Variants in PLCG1 observed in about 807,000 individuals in gnomAD.
PLCG1 encodes 1-phosphatidylinositol 4,5-bisphosphate phosphodiesterase gamma-1.
In PLCG1, 71 loss-of-function variants were observed where a neutral mutation model predicts 177.8. The observed-to-expected ratio is 0.40, with a 90% CI of 0.33 to 0.49. PLCG1 has a LOEUF of 0.49. Ranked by LOEUF, PLCG1 falls within the 20% of genes least tolerant of loss-of-function variation. PLCG1 has a pLI of 0.72. For missense variants in PLCG1, 1,281 were observed against 1,709.0 expected, an observed-to-expected ratio of 0.75 and a Z score of 4.42; for synonymous variants, 658 against 647.9, an observed-to-expected ratio of 1.02 and a Z score of -0.24.
At position 41,172,725 on chromosome 20, in the gene PLCG1, C is replaced by G. The variant is rs1194158966; in HGVS notation, c.3131-4C>G. On this transcript the variant is annotated splice_region_variant and splice_polypyrimidine_tract_variant and intron_variant, in intron 26 of 31. Coordinates refer to ENST00000685551, the MANE Select transcript of PLCG1 (RefSeq NM_002660.3). This position sits in a 1 kb window ranked among gnomAD's most constrained non-coding sequence, Gnocchi z 7.0. ...TGGAATACACCATAATCTGCCTCTT[C>G]CAGACAAGCCTATGCAGATGAACCA... The G allele has an allele frequency of 6.2e-7, 1 of 1,613,734 alleles. No individual in the cohort carries two copies. The highest frequency in any genetic ancestry group is 8.5e-7 in the Non-Finnish European group (1 of 1,179,742).
At position 41,165,997 on chromosome 20, in the gene PLCG1, C is replaced by T. The variant is rs1482710244; in HGVS notation, c.1799+171C>T. The T allele has an allele frequency of 2.9e-6, 2 of 685,098 alleles. No individual in the cohort carries two copies. Among genetic ancestry groups the T allele is most frequent in the African/African-American group, 1.8e-5 (1 of 55,134 alleles). The allele number at this position is 685,098 out of a possible 1,614,324, so 42.4% of individuals were successfully genotyped here. ...ACACACACTCTCTGTCTCACCCCCC[C>T]CCCATACCCCTCCCTTTTCGGTTCA... On this transcript the variant is annotated intron_variant, in intron 16 of 31. Coordinates refer to ENST00000685551, the MANE Select transcript of PLCG1 (RefSeq NM_002660.3). The surrounding 1 kb of genome is among the most constrained non-coding windows in gnomAD (Gnocchi z 6.6).
rs374855920 is a variant in PLCG1, at chr20:41,166,468, G to T, written c.2001-8G>T. ...GTGCTGGCCGGGCCTGACTCTGCCT[G>T]TTCTCAGGTGGTACCACGCGAGCCT... On this transcript the variant is annotated splice_region_variant and splice_polypyrimidine_tract_variant and intron_variant, in intron 17 of 31. Transcript: ENST00000685551. The surrounding 1 kb of genome is among the most constrained non-coding windows in gnomAD (Gnocchi z 8.6). 2.3e-5 allele frequency: 37 copies of T among 1,613,916 alleles called. 1 individual carries two copies. In the African/African-American group the frequency reaches 4.8e-4, roughly 21 times the overall value.
In PLCG1 at chr20:41,172,243, C is replaced by G. The variant is rs1340855444; in HGVS notation, c.2859C>G (p.Leu953=). The G allele has an allele frequency of 6.2e-7, 1 of 1,614,160 alleles. No individual in the cohort carries two copies. The highest frequency in any genetic ancestry group is 2.2e-5 in the East Asian group (1 of 44,878). Reference sequence around the variant, plus strand: ...GGAGGAAGAAGATTGCCCTGGAGCTCTCTGAACTTGTCGTCTACTGCCGGC... The same window carrying G: ...GGAGGAAGAAGATTGCCCTGGAGCTGTCTGAACTTGTCGTCTACTGCCGGC... ...MERRKKIALE[L]SELVVYCRPV... is the part of the protein sequence containing the mutation. The change falls in exon 25 of 32, where the codon CTC becomes CTG. Residue 953 remains leucine (L), a synonymous_variant. Coordinates refer to ENST00000685551, the MANE Select transcript of PLCG1 (RefSeq NM_002660.3). This position sits in a 1 kb window ranked among gnomAD's most constrained non-coding sequence, Gnocchi z 7.0.
rs1315663327 is a variant in PLCG1 at position 41,166,779 on chromosome 20, T to C, written c.2221T>C (p.Tyr741His). The C allele has an allele frequency of 6.2e-7, 1 of 1,614,118 alleles. No individual in the cohort carries two copies. The highest frequency in any genetic ancestry group is 8.5e-7 in the Non-Finnish European group (1 of 1,179,986). Residue 741 changes from tyrosine to histidine, a missense_variant, in exon 19 of 32, where the codon TAT (tyrosine) becomes CAT (histidine). By Grantham distance (83) the Tyr-to-His change is moderately conservative. This residue lies in a region of PLCG1 where 723 missense variants were observed against 1,030.0 expected (regional missense o/e 0.70). Transcript: ENST00000685551. The surrounding 1 kb of genome is among the most constrained non-coding windows in gnomAD (Gnocchi z 8.6). ...CAGCCTTGTTGACCTCATCAGCTACTATGAGAAACACCCGCTATACCGCAA... is the reference window on the plus strand; with the variant it reads ...CAGCCTTGTTGACCTCATCAGCTACCATGAGAAACACCCGCTATACCGCAA... ...FDSLVDLISYYEKHPLYRKMK... is the reference protein window; with the variant it reads ...FDSLVDLISYHEKHPLYRKMK...
rs918909272 is a variant in PLCG1, at chr20:41,169,971, G to T, written c.2651-141G>T. 4.1e-5 allele frequency: 31 copies of T among 755,100 alleles called. No homozygotes were observed. In the African/African-American group the frequency reaches 4.2e-4, roughly 10 times the overall value. 46.8% of individuals were successfully genotyped at this position (755,100 alleles called of 1,614,324 possible). On this transcript the variant is annotated intron_variant, in intron 23 of 31. Coordinates refer to ENST00000685551, the MANE Select transcript of PLCG1 (RefSeq NM_002660.3). ...TCGTCATCTGTCAAATGGGCCAGCAGAGTAGTCCTTCCCCTCATGGGGTGT... is the reference window on the plus strand; with the variant it reads ...TCGTCATCTGTCAAATGGGCCAGCATAGTAGTCCTTCCCCTCATGGGGTGT...
intron 1 of PLCG1, among the ~76,000 whole-genome samples, chr20:41,154,369 T>C (rs2035255055): frequency 6.6e-6 from 1 of 152,222 alleles, no homozygotes; most frequent in East Asian, 1.9e-4. Context: ...CTCTCCCCCT[T>C]CTAGGGCCTG....
At chr20:41,169,740 G>A in intron 23 of PLCG1, 1 of 585,632 alleles carries the variant, frequency 1.7e-6, no homozygotes, top group Non-Finnish European at 3.0e-6. Context: ...GCCAGGCACT[G>A]GGGAACCCGT....
chr20:41,171,886 T>C (rs1400560406), intron 24 of PLCG1, among the ~76,000 whole-genome samples: 1 of 152,182 alleles, frequency 6.6e-6, no homozygotes, highest in Non-Finnish European at 1.5e-5. Flanking sequence ...GTGTGGCCAA[T>C]TCCAGGATCC....
intron 23 of PLCG1, chr20:41,169,735 G>T (rs777199601): frequency 2.7e-4 from 160 of 587,710 alleles, no homozygotes; most frequent in Non-Finnish European, 4.0e-4. Context: ...CCTATGCCAG[G>T]CACTGGGGAA....
rs762759333 is a variant in PLCG1 at position 41,166,426 on chromosome 20, G to A, written c.2000+32G>A. The A allele has an allele frequency of 7.4e-6, 12 of 1,613,894 alleles. No individual in the cohort carries two copies. Among genetic ancestry groups the A allele is most frequent in the Non-Finnish European group, 1.0e-5 (12 of 1,180,050 alleles). On this transcript the variant is annotated intron_variant, in intron 17 of 31. Transcript: ENST00000685551. This position sits in a 1 kb window ranked among gnomAD's most constrained non-coding sequence, Gnocchi z 8.6. ...GAAGGGCCTGGGGGCGGACAAGGCAGGGCAGGGCCATGGGTGGTGCTGGCC... is the reference window on the plus strand; with the variant it reads ...GAAGGGCCTGGGGGCGGACAAGGCAAGGCAGGGCCATGGGTGGTGCTGGCC...
chr20:41,140,889 G>C (rs552755544), intron 1 of PLCG1, among the ~76,000 whole-genome samples: 2 of 152,348 alleles, frequency 1.3e-5, no homozygotes, highest in African/African-American at 4.8e-5. Flanking sequence ...TGTTGTGTCA[G>C]TGTGTGCCAG....
chr20:41,163,538 C>T lies in PLCG1; in HGVS notation c.891+59C>T. On this transcript the variant is annotated intron_variant, in intron 9 of 31. Transcript: ENST00000685551. This position sits in a 1 kb window ranked among gnomAD's most constrained non-coding sequence, Gnocchi z 5.2. Reference sequence around the variant, plus strand: ...AGAATGAGTAGGGGTGACCAGGACCCCACCCGGGCTCCAGGAGCTAGACGC... The same window carrying T: ...AGAATGAGTAGGGGTGACCAGGACCTCACCCGGGCTCCAGGAGCTAGACGC... 7.7e-7 allele frequency: 1 copy of T among 1,304,092 alleles called. No homozygotes were observed. The highest frequency in any genetic ancestry group is 1.4e-5 in the African/African-American group (1 of 69,212). The allele number at this position is 1,304,092 out of a possible 1,614,324, so 80.8% of individuals were successfully genotyped here.
In PLCG1 at chr20:41,173,886, C is replaced by T. The variant is rs1175897985; in HGVS notation, c.3557-37C>T. 1.2e-6 allele frequency: 2 copies of T among 1,611,376 alleles called. No individual in the cohort carries two copies. Among genetic ancestry groups the T allele is most frequent in the South Asian group, 2.2e-5 (2 of 90,980 alleles). On this transcript the variant is annotated intron_variant, in intron 29 of 31. Transcript: ENST00000685551. The surrounding 1 kb of genome is among the most constrained non-coding windows in gnomAD (Gnocchi z 6.2). ...GTGGGGCTGGGCCCCTTGCTCTGTC[C>T]CTCGTGGGCTGAGGGCCAGGCTTTT...
intron 1 of PLCG1, among the ~76,000 whole-genome samples, chr20:41,139,045 G>C (rs1047721241): frequency 1.8e-4 from 27 of 151,512 alleles, no homozygotes; most frequent in Middle Eastern, 3.4e-3. Context: ...GACACCCCAA[G>C]GGGGGGTCCC....
chr20:41,170,065 G>C (rs780330562), intron 23 of PLCG1, 47 bp from the exon 24 acceptor site: 56 of 1,542,664 alleles, frequency 3.6e-5, no homozygotes, highest in South Asian at 2.3e-4. Flanking sequence ...TGGGGTGGAG[G>C]GGGTGAGATG....
At position 41,144,567 on chromosome 20, in the gene PLCG1, C is replaced by G. The variant is rs1258565737; in HGVS notation, c.217+6709C>G. On this transcript the variant is annotated intron_variant, in intron 1 of 31. Transcript: ENST00000685551. The surrounding 1 kb of genome is among the most constrained non-coding windows in gnomAD (Gnocchi z 4.1). Reference sequence around the variant, plus strand: ...GGGTGGGACACAGAAGAGCCTCACCCTCTTGACTTTCTGGTTTGTGGTGAC... The same window carrying G: ...GGGTGGGACACAGAAGAGCCTCACCGTCTTGACTTTCTGGTTTGTGGTGAC... Among the ~76,000 whole-genome samples the G allele has an allele frequency of 6.6e-6, 1 of 152,198 alleles. No individual in the cohort carries two copies. The highest frequency in any genetic ancestry group is 1.5e-5 in the Non-Finnish European group (1 of 68,052).
Position 41,166,920 on chromosome 20 carries a change from C to G in PLCG1, c.2301+61C>G, listed in dbSNP as rs2035715513. The stretch of plus-strand genomic sequence containing the variant: ...AGGCAGGAGAGACCCAGAATCTTAC[C>G]AGTCTCTGGATGTGTGTAACAGCAA... On this transcript the variant is annotated intron_variant, in intron 19 of 31. Transcript: ENST00000685551. The surrounding 1 kb of genome is among the most constrained non-coding windows in gnomAD (Gnocchi z 8.6). 1 of 1,481,734 alleles carries G rather than the reference C, an allele frequency of 6.7e-7. No homozygotes were observed. The highest frequency in any genetic ancestry group is 1.7e-5 in the Admixed American group (1 of 59,330). 91.8% of individuals were successfully genotyped at this position (1,481,734 alleles called of 1,614,324 possible). A position where few individuals can be genotyped will look rare whatever the true frequency, so the allele number is the denominator to read the frequency against.
rs200825598 is a variant in PLCG1 at position 41,174,261 on chromosome 20, C to G, written c.3783C>G (p.Phe1261Leu). 1.2e-5 allele frequency: 19 copies of G among 1,614,076 alleles called. No individual in the cohort carries two copies. Among genetic ancestry groups the G allele is most frequent in the Admixed American group, 1.7e-5 (1 of 60,008 alleles). ...ESRYQQPFED[F>L]RISQEHLADH... ...GCTACCAGCAGCCGTTTGAGGACTT[C>G]CGCATCTCCCAGGAGCATCTCGCAG... Residue 1261 changes from phenylalanine to leucine, a missense_variant, in exon 31 of 32, where the codon TTC (phenylalanine) becomes TTG (leucine). Physicochemically the swap from Phe to Leu is conservative, Grantham distance 22. Coordinates refer to ENST00000685551, the MANE Select transcript of PLCG1 (RefSeq NM_002660.3). The surrounding 1 kb of genome is among the most constrained non-coding windows in gnomAD (Gnocchi z 5.8).
Position 41,166,204 on chromosome 20 carries a change from A to C in PLCG1, c.1810A>C (p.Lys604Gln). ...DYTLSFWRNG[K>Q]VQHCRIHSRQ... ...CTGTGTCTTCCACAGGCGGAACGGGAAAGTCCAGCACTGCCGTATCCACTC... is the reference window on the plus strand; with the variant it reads ...CTGTGTCTTCCACAGGCGGAACGGGCAAGTCCAGCACTGCCGTATCCACTC... Residue 604 changes from lysine (K) to glutamine (Q), a missense_variant, in exon 17 of 32, where the codon AAA (lysine) becomes CAA (glutamine). Coordinates refer to ENST00000685551, the MANE Select transcript of PLCG1 (RefSeq NM_002660.3). The surrounding 1 kb of genome is among the most constrained non-coding windows in gnomAD (Gnocchi z 8.6). 6.2e-7 allele frequency: 1 copy of C among 1,613,402 alleles called. No homozygotes were observed. Among genetic ancestry groups the C allele is most frequent in the Non-Finnish European group, 8.5e-7 (1 of 1,179,976 alleles).
Sources: allele counts gnomAD v4.1 joint callset (sites outside exome capture counted in the v4.1 genomes callset), GRCh38; gene constraint gnomAD v4.1.1; regional missense constraint gnomAD v4.1.1; non-coding constraint Gnocchi (gnomAD v3.1); transcripts MANE v1.5; gene names NCBI Gene and HGNC (gene_info 2026-07-23, HGNC 2026-07-21).